PSMA1: variants seen among roughly 807,000 people sequenced by gnomAD.
PSMA1 encodes the protein proteasome subunit alpha type-1.
A neutral mutation model predicts 38.4 loss-of-function variants in PSMA1; 3 were observed. The ratio of observed to expected loss-of-function variants is 0.08; its 90% CI spans 0.04 to 0.20. The LOEUF is 0.20. Ranked by LOEUF, PSMA1 falls within the 10% of genes least tolerant of loss-of-function variation. PSMA1 has a pLI of 1.00. For synonymous variants in PSMA1, 101 were observed against 107.1 expected, an observed-to-expected ratio of 0.94 and a Z score of 0.35; for missense variants, 227 against 325.3, an observed-to-expected ratio of 0.70 and a Z score of 2.32.
chr11:14,633,905 G>T lies in PSMA1; in HGVS notation c.-166+9550C>A, dbSNP rs562336336. ...GGGTGGGAGTGACCCGATTTTCCAG[G>T]TGCCGTCTGTCACCCCTTTCTTTGA... On this transcript the variant is annotated intron_variant, in intron 1 of 10. Transcript: ENST00000418988. Among the ~76,000 whole-genome samples the T allele has an allele frequency of 5.3e-5, 8 of 152,212 alleles. No individual in the cohort carries two copies. In the East Asian group the frequency reaches 1.5e-3, roughly 29 times the overall value.
intron 2 of PSMA1, among the ~76,000 whole-genome samples, chr11:14,608,538 G>A (rs1852670530): frequency 6.7e-6 from 1 of 149,108 alleles, no homozygotes; most frequent in Non-Finnish European, 1.5e-5. Flanking sequence ...TTGTGCACAT[G>A]TACCCTAAAA....
At position 14,520,320 on chromosome 11, in the gene PSMA1, T is replaced by G; in HGVS notation, c.-21A>C. ...ACCATGGTGGCGGCGCGGGCCTGGT[T>G]GCGGCCTCCAGCAAAACTGAGAATC... On this transcript the variant is annotated 5_prime_UTR_variant, in exon 1 of 10. Transcript: ENST00000396394. 8 of 1,614,162 alleles carry G rather than the reference T, an allele frequency of 5.0e-6. No individual in the cohort carries two copies. The highest frequency in any genetic ancestry group is 6.8e-6 in the Non-Finnish European group (8 of 1,180,006).
chr11:14,531,618 C>T (rs993709707), intron 2 of PSMA1, among the ~76,000 whole-genome samples: 1 of 152,106 alleles, frequency 6.6e-6, no homozygotes, highest in Non-Finnish European at 1.5e-5. Context: ...TGCCACCACA[C>T]CCACCTAATT....
At chr11:14,517,356 G>A (rs754456950) in intron 4 of PSMA1, among the ~76,000 whole-genome samples, 2 of 152,168 alleles carry the variant, frequency 1.3e-5, no homozygotes, top group East Asian at 3.8e-4. Context: ...AAAGTATCAC[G>A]TTCTTCTTAG....
At chr11:14,601,974 C>T (rs77174677) in intron 2 of PSMA1, among the ~76,000 whole-genome samples, 86 of 152,270 alleles carry the variant, frequency 5.6e-4, no homozygotes, top group Non-Finnish European at 1.0e-3. Context: ...TAACGTCTAC[C>T]CTAAATTTAG....
chr11:14,574,234 C>G (rs1251090993), intron 2 of PSMA1, among the ~76,000 whole-genome samples: 3 of 152,154 alleles, frequency 2.0e-5, no homozygotes, highest in African/African-American at 7.2e-5. Flanking sequence ...TTTTACAGAC[C>G]TTCACAACAG....
intron 7 of PSMA1, 56 bp from the exon 8 acceptor site, chr11:14,511,007 G>A (rs1851333022): frequency 8.2e-7 from 1 of 1,225,388 alleles, no homozygotes; most frequent in African/African-American, 1.6e-5. Flanking sequence ...CTAGGCTTCT[G>A]TTATTTATCA....
intron 1 of PSMA1, among the ~76,000 whole-genome samples, chr11:14,640,062 T>C (rs928533237): frequency 6.6e-6 from 1 of 152,180 alleles, no homozygotes; most frequent in Non-Finnish European, 1.5e-5. Flanking sequence ...ACCGGGCACA[T>C]AATAAATACT....
chr11:14,610,397 A>G (rs1852695954), intron 2 of PSMA1, among the ~76,000 whole-genome samples: 1 of 152,016 alleles, frequency 6.6e-6, no homozygotes. Flanking sequence ...CCTGTGCCAC[A>G]GAGGCTATTG....
Position 14,517,860 on chromosome 11 carries a change from ATATT to A in PSMA1, c.150+16_150+19del, listed in dbSNP as rs1851458464. On this transcript the variant is annotated intron_variant, in intron 3 of 9. Coordinates refer to ENST00000396394, the MANE Select transcript of PSMA1 (RefSeq NM_002786.4). ...TACATTGTTTTCTACAGAGGAAGAC[ATATT>A]TATTACTGTACTTACTTTCAATGCA... is the stretch of plus-strand genomic sequence containing the variant. 6 of 1,565,214 alleles carry A rather than the reference ATATT, an allele frequency of 3.8e-6. No individual in the cohort carries two copies. The highest frequency in any genetic ancestry group is 4.4e-6 in the Non-Finnish European group (5 of 1,149,190).
At chr11:14,519,220 T>A (rs201261755) in intron 1 of PSMA1, 179 bp from the exon 2 acceptor site, 292 of 669,524 alleles carry the variant, frequency 4.4e-4, no homozygotes, top group Non-Finnish European at 7.0e-4. Flanking sequence ...TACCATAAAC[T>A]CGTGGGAGAG....
chr11:14,592,692 A>T (rs569024635), intron 2 of PSMA1, among the ~76,000 whole-genome samples: 1 of 152,338 alleles, frequency 6.6e-6, no homozygotes, highest in South Asian at 2.1e-4. Flanking sequence ...GCCAGGGCAG[A>T]TATTCTTGTA....
intron 1 of PSMA1, among the ~76,000 whole-genome samples, chr11:14,617,306 A>G (rs1204967411): frequency 6.6e-6 from 1 of 152,196 alleles, no homozygotes; most frequent in Admixed American, 6.5e-5. Context: ...TAGCATCCCT[A>G]TATTTATTAC....
chr11:14,610,974 T>C, exon 2 of PSMA1: 2 of 1,613,276 alleles, frequency 1.2e-6, no homozygotes, highest in Non-Finnish European at 1.7e-6. Context: ...ACCTTCACCT[T>C]GCTGAGCTGC....
intron 2 of PSMA1, among the ~76,000 whole-genome samples, chr11:14,600,488 AT>A (rs1852566909): frequency 6.6e-6 from 1 of 152,182 alleles, no homozygotes; most frequent in Non-Finnish European, 1.5e-5. Context: ...TGTCTCGCAG[AT>A]CAATCTCAGA....
At chr11:14,507,563 T>C in intron 9 of PSMA1, 93 bp downstream of exon 9, 1 of 862,366 alleles carries the variant, frequency 1.2e-6, no homozygotes, top group Non-Finnish European at 1.9e-6. Context: ...CCCATTTCAA[T>C]ATTTAAGACA....
Position 14,557,139 on chromosome 11 carries a change from CT to C in PSMA1, c.22-38099del, listed in dbSNP as rs1312610987. Among the ~76,000 whole-genome samples, 5 of 152,330 alleles carry C rather than the reference CT, an allele frequency of 3.3e-5. No individual in the cohort carries two copies. The East Asian group carries it at 9.6e-4, about 29-fold the overall frequency. On this transcript the variant is annotated intron_variant, in intron 2 of 10. Transcript: ENST00000418988. ...CATAAGCGACTGCACCCTGCTCATT[CT>C]TTCTAGAACTCCTGATTCAGTTGTT... is the stretch of plus-strand genomic sequence containing the variant.
rs1851287287 is a variant in PSMA1, at chr11:14,508,566, A to AAAAAAAAAAAAAC, written c.625-801_625-800insGTTTTTTTTTTTT. Among the ~76,000 whole-genome samples, 3 of 148,884 alleles carry AAAAAAAAAAAAAC rather than the reference A, an allele frequency of 2.0e-5. 1 individual carries two copies. The highest frequency in any genetic ancestry group is 4.2e-4 in the South Asian group (2 of 4,734). On this transcript the variant is annotated intron_variant, in intron 8 of 9. Transcript: ENST00000396394. ...TTCCAGTCACCACTCCATCTCAAAA[A>AAAAAAAAAAAAAC]AAAAAAAAAAACCCAGATTGTAGGG... is the stretch of plus-strand genomic sequence containing the variant.
intron 9 of PSMA1, among the ~76,000 whole-genome samples, chr11:14,506,595 C>T (rs1851248773): frequency 6.6e-6 from 1 of 152,068 alleles, no homozygotes; most frequent in African/African-American, 2.4e-5. Context: ...CATATTTCAC[C>T]TGAGATTCAC....
Sources: gnomAD v4.1 joint callset for allele counts (sites outside exome capture counted in the v4.1 genomes callset) on GRCh38, gnomAD v4.1.1 for gene constraint, MANE v1.5 for transcripts, NCBI Gene and HGNC (gene_info 2026-07-23, HGNC 2026-07-21) for gene names.